Variants in AJUBA observed in about 807,000 individuals in gnomAD.
AJUBA encodes LIM domain-containing protein ajuba.
Under a neutral mutation model 53.3 loss-of-function variants are expected in AJUBA, and 20 were observed. That is an observed-to-expected ratio of 0.38 (90% CI 0.26 to 0.55). The LOEUF (loss-of-function observed/expected upper bound fraction) is 0.55. AJUBA is among the 20% of genes least tolerant of loss of function. The pLI is 0.80. For missense variants in AJUBA, 580 were observed against 730.5 expected, an observed-to-expected ratio of 0.79 and a Z score of 2.38; for synonymous variants, 296 against 306.2, an observed-to-expected ratio of 0.97 and a Z score of 0.35.
chr14:22,978,991 G>A, intron 1 of AJUBA: 2 of 1,289,188 alleles, frequency 1.6e-6, no homozygotes, highest in Non-Finnish European at 1.0e-6. Flanking sequence ...AAAGGATCTG[G>A]CTTGGCAGAG....
At chr14:22,974,606 T>G in intron 6 of AJUBA, 4 of 536,394 alleles carry the variant, frequency 7.5e-6, no homozygotes, top group Non-Finnish European at 1.3e-5. Context: ...AGTCTCCTCC[T>G]CTGGACTGGG....
chr14:22,980,106 CT>C (rs2045073483), intron 1 of AJUBA, among the ~76,000 whole-genome samples: 2 of 152,170 alleles, frequency 1.3e-5, no homozygotes, highest in South Asian at 4.1e-4. Context: ...TTCCTATTCA[CT>C]TTTCTAGCCA....
rs2045019072 is a variant in AJUBA at position 22,974,803 on chromosome 14, A to AC, written c.1422+35dup. Reference sequence around the variant, plus strand: ...CTATCCCCTCCCCAAAGGCAGTGGCACTGGCTGCCCTGAAGGAGAACCCAG... The same window carrying AC: ...CTATCCCCTCCCCAAAGGCAGTGGCACCTGGCTGCCCTGAAGGAGAACCCAG... On this transcript the variant is annotated intron_variant, in intron 6 of 7. Transcript: ENST00000262713. 4 of 1,597,728 alleles carry AC rather than the reference A, an allele frequency of 2.5e-6. No homozygotes were observed. The East Asian group carries it at 8.9e-5, about 36-fold the overall frequency.
Position 22,979,900 on chromosome 14 carries a change from C to T in AJUBA, c.1006+1361G>A, listed in dbSNP as rs559785920. On this transcript the variant is annotated intron_variant, in intron 1 of 7. Coordinates refer to ENST00000262713, the MANE Select transcript of AJUBA (RefSeq NM_032876.6). The surrounding 1 kb of genome is among the most constrained non-coding windows in gnomAD (Gnocchi z 4.0). ...TCTCCTGGGCCTCAAAATGAAACTG[C>T]TAAATGGGCCCTGTCATTCAGTCTT... Among the ~76,000 whole-genome samples, 4 of 151,862 alleles carry T rather than the reference C, an allele frequency of 2.6e-5. No individual in the cohort carries two copies. Among genetic ancestry groups the T allele is most frequent in the Admixed American group, 2.6e-4 (4 of 15,234 alleles).
intron 4 of AJUBA, 68 bp from the exon 5 acceptor site, chr14:22,975,172 C>T: frequency 6.4e-7 from 1 of 1,564,320 alleles, no homozygotes; most frequent in South Asian, 1.2e-5. Flanking sequence ...CCATTATGCT[C>T]CTTATTACTC....
chr14:22,975,042 C>T lies in AJUBA; in HGVS notation c.1302G>A (p.Lys434=). 1 of 1,614,226 alleles carries T rather than the reference C, an allele frequency of 6.2e-7. No individual in the cohort carries two copies. Among genetic ancestry groups the T allele is most frequent in the Non-Finnish European group, 8.5e-7 (1 of 1,180,042 alleles). ...PGCFRCIVCN[K]CLDGIPFTVD... ...CTGTGAAGGGGATGCCATCCAGGCA[C>T]TTGTTGCAAACAATGCATCGGAAAC... is the stretch of plus-strand genomic sequence containing the variant. The change falls in exon 5 of 8, where the codon AAG becomes AAA. Residue 434 remains lysine, a synonymous_variant. Coordinates refer to ENST00000262713, the MANE Select transcript of AJUBA (RefSeq NM_032876.6).
At position 22,973,066 on chromosome 14, in the gene AJUBA, G is replaced by GA; in HGVS notation, c.*376dup. On this transcript the variant is annotated 3_prime_UTR_variant, in exon 8 of 8. Coordinates refer to ENST00000262713, the MANE Select transcript of AJUBA (RefSeq NM_032876.6). ...CCAGCACTTTGGGAGGCCAAGGTGG[G>GA]AGGATCATTCGAGCCCAGGAGTTCA... 1 of 231,208 alleles carries GA rather than the reference G, an allele frequency of 4.3e-6. No homozygotes were observed. Among genetic ancestry groups the GA allele is most frequent in the South Asian group, 6.1e-5 (1 of 16,306 alleles). 14.3% of individuals were successfully genotyped at this position (231,208 alleles called of 1,614,324 possible).
At chr14:22,978,663 A>G in intron 1 of AJUBA, 1 of 1,327,594 alleles carries the variant, frequency 7.5e-7, no homozygotes, top group South Asian at 1.6e-5. Flanking sequence ...TTTTCTGAGC[A>G]TCTGTTTTGT....
rs1324956091 is a variant in AJUBA at position 22,981,542 on chromosome 14, G to C, written c.725C>G (p.Ala242Gly). ...CCCCGCCGCTCCCACTCCGGCCCCG[G>C]CTAGAGCTCCAGGGCTGCCCAGGGC... ...PPALGSPGAL[A>G]GAGVGAAGPL... Residue 242 changes from alanine (A) to glycine (G), a missense_variant, in exon 1 of 8, where the codon GCC becomes GGC. Around this residue, in one of 2 missense-constraint regions of AJUBA, gnomAD observed 430 missense variants for 471.5 expected, o/e 0.91. Coordinates refer to ENST00000262713, the MANE Select transcript of AJUBA (RefSeq NM_032876.6). 1.3e-5 allele frequency: 20 copies of C among 1,588,192 alleles called. No individual in the cohort carries two copies. Among genetic ancestry groups the C allele is most frequent in the Non-Finnish European group, 1.7e-5 (20 of 1,171,298 alleles).
Position 22,981,666 on chromosome 14 carries a change from G to A in AJUBA, c.601C>T (p.Pro201Ser), listed in dbSNP as rs1283679213. ...APAGYSPGGV[P>S]SAYPELHAAL... is the part of the protein sequence containing the mutation. ...GCGTGGAGCTCCGGGTAGGCGGACGGGACCCCTCCGGGAGAATAGCCTGCC... is the reference window on the plus strand; with the variant it reads ...GCGTGGAGCTCCGGGTAGGCGGACGAGACCCCTCCGGGAGAATAGCCTGCC... Residue 201 changes from proline to serine, a missense_variant, in exon 1 of 8, where the codon CCG (proline) becomes TCG (serine). By Grantham distance (74) the Pro-to-Ser change is moderately conservative. This residue lies in a region of AJUBA where 430 missense variants were observed against 471.5 expected (regional missense o/e 0.91). Coordinates refer to ENST00000262713, the MANE Select transcript of AJUBA (RefSeq NM_032876.6). 1 of 1,513,704 alleles carries A rather than the reference G, an allele frequency of 6.6e-7. No individual in the cohort carries two copies. Among genetic ancestry groups the A allele is most frequent in the East Asian group, 2.4e-5 (1 of 40,876 alleles). 93.8% of individuals were successfully genotyped at this position (1,513,704 alleles called of 1,614,324 possible).
chr14:22,981,676 G>T lies in AJUBA; in HGVS notation c.591C>A (p.Pro197=). 1 of 1,516,710 alleles carries T rather than the reference G, an allele frequency of 6.6e-7. No individual in the cohort carries two copies. The highest frequency in any genetic ancestry group is 2.4e-5 in the East Asian group (1 of 40,834). 94.0% of individuals were successfully genotyped at this position (1,516,710 alleles called of 1,614,324 possible). A position where few individuals can be genotyped will look rare whatever the true frequency, so the allele number is the denominator to read the frequency against. The change falls in exon 1 of 8, where the codon CCC becomes CCA. Residue 197 remains proline (P), a synonymous_variant. Transcript: ENST00000262713. ...PLAGAPAGYS[P]GGVPSAYPEL... ...CCGGGTAGGCGGACGGGACCCCTCCGGGAGAATAGCCTGCCGGTGCTCCGG... is the reference window on the plus strand; with the variant it reads ...CCGGGTAGGCGGACGGGACCCCTCCTGGAGAATAGCCTGCCGGTGCTCCGG...
rs1050121410 is a variant in AJUBA at position 22,979,140 on chromosome 14, T to A, written c.1007-695A>T. On this transcript the variant is annotated intron_variant, in intron 1 of 7. Coordinates refer to ENST00000262713, the MANE Select transcript of AJUBA (RefSeq NM_032876.6). The surrounding 1 kb of genome is among the most constrained non-coding windows in gnomAD (Gnocchi z 4.0). Reference sequence around the variant, plus strand: ...AGCCCCTGATGCCTCCTAGTCACCTTCTATCATGGGAAGAATACAGAACTG... The same window carrying A: ...AGCCCCTGATGCCTCCTAGTCACCTACTATCATGGGAAGAATACAGAACTG... 4.8e-6 allele frequency: 6 copies of A among 1,238,770 alleles called. No individual in the cohort carries two copies. The African/African-American group carries it at 9.4e-5, about 19-fold the overall frequency. The allele number at this position is 1,238,770 out of a possible 1,614,324, so 76.7% of individuals were successfully genotyped here.
At chr14:22,981,146 A>G in intron 1 of AJUBA, 115 bp downstream of exon 1, 1 of 1,300,844 alleles carries the variant, frequency 7.7e-7, no homozygotes, top group Non-Finnish European at 1.0e-6. Context: ...CTTCTTTCCT[A>G]GTCCCGCGTC....
intron 6 of AJUBA, 100 bp from the exon 7 acceptor site, chr14:22,974,215 A>C: frequency 2.4e-6 from 3 of 1,244,662 alleles, no homozygotes; most frequent in Non-Finnish European, 3.5e-6. Context: ...AAGATCATAC[A>C]AATGCCCCCA....
At chr14:22,976,594 G>A in intron 3 of AJUBA, 51 bp downstream of exon 3, 4 of 1,612,696 alleles carry the variant, frequency 2.5e-6, no homozygotes, top group Non-Finnish European at 3.4e-6. Flanking sequence ...GGGCCACCAA[G>A]AAGGGGGTCA....
Position 22,981,534 on chromosome 14 carries a change from C to G in AJUBA, c.733G>C (p.Gly245Arg). 1 of 1,591,762 alleles carries G rather than the reference C, an allele frequency of 6.3e-7. No homozygotes were observed. Residue 245 changes from glycine to arginine, a missense_variant, in exon 1 of 8, where the codon GGA becomes CGA. Physicochemically the swap from Gly to Arg is moderately radical, Grantham distance 125. Around this residue, in one of 2 missense-constraint regions of AJUBA, gnomAD observed 430 missense variants for 471.5 expected, o/e 0.91. Coordinates refer to ENST00000262713, the MANE Select transcript of AJUBA (RefSeq NM_032876.6). Reference sequence around the variant, plus strand: ...TCCAAGGGCCCCGCCGCTCCCACTCCGGCCCCGGCTAGAGCTCCAGGGCTG... The same window carrying G: ...TCCAAGGGCCCCGCCGCTCCCACTCGGGCCCCGGCTAGAGCTCCAGGGCTG... The part of the protein sequence containing the change: ...LGSPGALAGA[G>R]VGAAGPLERR...
intron 3 of AJUBA, 43 bp from the exon 4 acceptor site, chr14:22,976,561 A>G (rs1242267075): frequency 1.2e-6 from 2 of 1,613,456 alleles, no homozygotes; most frequent in African/African-American, 2.7e-5. Context: ...TATCAAACTG[A>G]GAATGATGGG....
rs1308609266 is a variant in AJUBA, at chr14:22,976,484, C to G, written c.1211G>C (p.Cys404Ser). The G allele has an allele frequency of 3.1e-6, 5 of 1,614,024 alleles. No individual in the cohort carries two copies. Among genetic ancestry groups the G allele is most frequent in the Non-Finnish European group, 4.2e-6 (5 of 1,180,024 alleles). The change falls in exon 4 of 8, where the codon TGT becomes TCT. Residue 404 changes from cysteine to serine, a missense_variant. Physicochemically the swap from Cys to Ser is moderately radical, Grantham distance 112. This residue lies in a region of AJUBA where 150 missense variants were observed against 259.0 expected (regional missense o/e 0.58). Transcript: ENST00000262713. ...CTCCAAAATCAAGTGACCACAGACA[C>G]AGCATTTCTCAGCTGCCTCCTGAAA... ...SGFQEAAEKC[C>S]VCGHLILEKI...
intron 6 of AJUBA, 65 bp from the exon 7 acceptor site, chr14:22,974,180 T>C (rs1176005889): frequency 7.8e-6 from 12 of 1,540,400 alleles, no homozygotes; most frequent in African/African-American, 5.4e-5. Flanking sequence ...CTTTCCCTCA[T>C]ATACAACCCT....
Sources: gnomAD v4.1 joint callset for allele counts (sites outside exome capture counted in the v4.1 genomes callset) on GRCh38, gnomAD v4.1.1 for gene constraint, gnomAD v4.1.1 regional missense constraint, Gnocchi (gnomAD v3.1) non-coding constraint, MANE v1.5 for transcripts, NCBI Gene and HGNC (gene_info 2026-07-23, HGNC 2026-07-21) for gene names.